GBA2: variants seen among roughly 807,000 people sequenced by gnomAD.
The protein encoded by GBA2 is non-lysosomal glucosylceramidase.
In GBA2, 79 loss-of-function variants were observed where a neutral mutation model predicts 112.9. That is an observed-to-expected ratio of 0.70 (90% CI 0.58 to 0.84). The LOEUF (loss-of-function observed/expected upper bound fraction) is 0.84, where lower values mean the gene tolerates loss of function less well. Ranked by LOEUF, GBA2 falls within the 40% of genes least tolerant of loss-of-function variation. The pLI is 0.00. For synonymous variants in GBA2, 403 were observed against 434.3 expected, an observed-to-expected ratio of 0.93 and a Z score of 0.90; for missense variants, 1,043 against 1,190.0, an observed-to-expected ratio of 0.88 and a Z score of 1.82.
At chr9:35,738,405 C>T (rs1158350035) in intron 13 of GBA2, 31 bp from the exon 14 acceptor site, 1 of 1,609,908 alleles carries the variant, frequency 6.2e-7, no homozygotes, top group East Asian at 2.2e-5. Context: ...GGGGGTCAGA[C>T]TGGCAGCTCC....
In GBA2 at chr9:35,737,156, CAGTTCAGA is replaced by C. The variant is rs1244965342; in HGVS notation, c.*5_*12del. The C allele has an allele frequency of 6.3e-7, 1 of 1,596,816 alleles. No individual in the cohort carries two copies. Among genetic ancestry groups the C allele is most frequent in the Admixed American group, 1.7e-5 (1 of 59,630 alleles). On this transcript the variant is annotated 3_prime_UTR_variant, in exon 17 of 17. Coordinates refer to ENST00000378103, the MANE Select transcript of GBA2 (RefSeq NM_020944.3). The surrounding 1 kb of genome is among the most constrained non-coding windows in gnomAD (Gnocchi z 4.1). ...CTGGGCTGTTAGCACTTCCCTCCCACAGTTCAGACGGCTCACTCTGGGCTCAGGTTTGC... is the reference window on the plus strand; with the variant it reads ...CTGGGCTGTTAGCACTTCCCTCCCACCGGCTCACTCTGGGCTCAGGTTTGC...
In GBA2 at chr9:35,739,646, G is replaced by A. The variant is rs769952538; in HGVS notation, c.1564C>T (p.Arg522Ter). 18 of 1,613,780 alleles carry A rather than the reference G, an allele frequency of 1.1e-5. No homozygotes were observed. The highest frequency in any genetic ancestry group is 1.4e-5 in the Non-Finnish European group (17 of 1,179,920). ...CCTGTACCCTCAAGGTAGCCAAATC[G>A]ACCGTAGTCCCGTAGGGTGGGGCGG... ...HLRPTLRDYG[R>*]FGYLEGQEYR... Residue 522 changes from arginine to a stop codon, truncating the protein, a stop_gained, in exon 9 of 17, where the codon CGA (arginine) becomes TGA (stop). Transcript: ENST00000378103. LOFTEE classifies it high-confidence loss of function.
intron 1 of GBA2, among the ~76,000 whole-genome samples, chr9:35,747,656 T>TG (rs1827041986): frequency 6.6e-6 from 1 of 152,236 alleles, no homozygotes; most frequent in African/African-American, 2.4e-5. Context: ...CACATCCACC[T>TG]GTTCCTGTTA....
At position 35,737,730 on chromosome 9, in the gene GBA2, G is replaced by A; in HGVS notation, c.2505+18C>T. 6.2e-7 allele frequency: 1 copy of A among 1,613,000 alleles called. No individual in the cohort carries two copies. The highest frequency in any genetic ancestry group is 8.5e-7 in the Non-Finnish European group (1 of 1,178,978). On this transcript the variant is annotated intron_variant, in intron 16 of 16. Coordinates refer to ENST00000378103, the MANE Select transcript of GBA2 (RefSeq NM_020944.3). This position sits in a 1 kb window ranked among gnomAD's most constrained non-coding sequence, Gnocchi z 4.1. ...CCAGGATACAGATGGTGGAGAGATG[G>A]GAAAAGGAGTGCATTACCTCTTGGA...
chr9:35,739,872 G>A, intron 8 of GBA2, 72 bp from the exon 9 acceptor site: 1 of 1,559,840 alleles, frequency 6.4e-7, no homozygotes, highest in Non-Finnish European at 8.8e-7. Flanking sequence ...TGGGGGTTCA[G>A]CAGAGTGGGA....
chr9:35,738,050 TCTC>T lies in GBA2; in HGVS notation c.2297_2299del (p.Gly766del). The T allele has an allele frequency of 5.0e-6, 8 of 1,609,414 alleles. No individual in the cohort carries two copies. Among genetic ancestry groups the T allele is most frequent in the African/African-American group, 1.3e-5 (1 of 74,812 alleles). On this transcript the variant is annotated inframe_deletion, in exon 15 of 17. Coordinates refer to ENST00000378103, the MANE Select transcript of GBA2 (RefSeq NM_020944.3). ...CTCCTCTCTCACCTCAGTGTCTCCTTCTCCTAGGCCACAGGCCTTCAGGAACCA... is the reference window on the plus strand; with the variant it reads ...CTCCTCTCTCACCTCAGTGTCTCCTTCTAGGCCACAGGCCTTCAGGAACCA...
rs1370121545 is a variant in GBA2 at position 35,741,080 on chromosome 9, T to C, written c.787-16A>G. ...GGCTGCTGTCCTGGGGGCAGAAGAT[T>C]AGACTCAGACGGTCCCAGTAGAGCG... On this transcript the variant is annotated splice_polypyrimidine_tract_variant and intron_variant, in intron 4 of 16. Coordinates refer to ENST00000378103, the MANE Select transcript of GBA2 (RefSeq NM_020944.3). This position sits in a 1 kb window ranked among gnomAD's most constrained non-coding sequence, Gnocchi z 4.6. 1 of 1,613,778 alleles carries C rather than the reference T, an allele frequency of 6.2e-7. No individual in the cohort carries two copies. The highest frequency in any genetic ancestry group is 1.3e-5 in the African/African-American group (1 of 75,032).
In GBA2 at chr9:35,739,331, G is replaced by A; in HGVS notation, c.1671C>T (p.Ser557=). 1 of 1,610,142 alleles carries A rather than the reference G, an allele frequency of 6.2e-7. No homozygotes were observed. The highest frequency in any genetic ancestry group is 1.1e-5 in the South Asian group (1 of 91,018). The change falls in exon 10 of 17, where the codon AGC becomes AGT. Residue 557 remains serine (S), a synonymous_variant. Transcript: ENST00000378103. ...LIMLWPKLEL[S]LQYDMALATL... is the part of the protein sequence containing the mutation. ...GATCCTCACCCATGTCATACTGTAG[G>A]CTGAGCTCAAGTTTGGGCCAGAGCA... is the stretch of plus-strand genomic sequence containing the variant.
At chr9:35,744,555 C>A (rs1826877194) in intron 2 of GBA2, 60 bp downstream of exon 2, 1 of 1,144,128 alleles carries the variant, frequency 8.7e-7, no homozygotes, top group Non-Finnish European at 1.3e-6. Context: ...CTCTTCCTAA[C>A]TGTGGTAGAC....
At chr9:35,745,051 C>T (rs569351590) in intron 1 of GBA2, among the ~76,000 whole-genome samples, 7 of 152,270 alleles carry the variant, frequency 4.6e-5, no homozygotes, top group East Asian at 1.9e-4. Flanking sequence ...CTACAGCCTC[C>T]GCCCCCAATC....
chr9:35,740,296 C>A lies in GBA2; in HGVS notation c.1196G>T (p.Arg399Leu). ...CTCCAGGCGGCACTGGCCTCGAGGT[C>A]GCAACTTGCTGGAAACACACACAGC... ...AGAVCVSSKLRPRGQCRLEFS... is the reference protein window; with the variant it reads ...AGAVCVSSKLLPRGQCRLEFS... The change falls in exon 7 of 17, where the codon CGA (arginine) becomes CTA (leucine). Residue 399 changes from arginine (R) to leucine (L), a missense_variant. Transcript: ENST00000378103. The surrounding 1 kb of genome is among the most constrained non-coding windows in gnomAD (Gnocchi z 4.7). 1 of 1,614,064 alleles carries A rather than the reference C, an allele frequency of 6.2e-7. No individual in the cohort carries two copies. The highest frequency in any genetic ancestry group is 1.3e-5 in the African/African-American group (1 of 75,016).
intron 1 of GBA2, among the ~76,000 whole-genome samples, chr9:35,745,723 A>AT (rs1335215053): frequency 6.6e-6 from 1 of 152,178 alleles, no homozygotes; most frequent in Admixed American, 6.5e-5. Context: ...AGGCTCTGAC[A>AT]TCTGTCCCAG....
rs73438754 is a variant in GBA2 at position 35,738,995 on chromosome 9, C to T, written c.1795+7G>A. 7.9e-3 allele frequency: 12,774 copies of T among 1,610,666 alleles called. 431 individuals carry two copies. In the African/African-American group the frequency reaches 0.11, roughly 13 times the overall value. On this transcript the variant is annotated splice_region_variant and intron_variant, in intron 11 of 16. Coordinates refer to ENST00000378103, the MANE Select transcript of GBA2 (RefSeq NM_020944.3). ...GGAGGGAAGCTGACCTTGGGGTGGA[C>T]TTTTACCTGGGTCCCCAATATCATG...
Position 35,738,586 on chromosome 9 carries a change from A to G in GBA2, c.1994T>C (p.Leu665Pro). The change falls in exon 13 of 17, where the codon CTC becomes CCC. Residue 665 changes from leucine to proline, a missense_variant. By Grantham distance (98) the Leu-to-Pro change is moderately conservative. Coordinates refer to ENST00000378103, the MANE Select transcript of GBA2 (RefSeq NM_020944.3). ...EMKFDKDHDG[L>P]IENGGYADQT... ...GTCTGCATAGCCTCCATTTTCAATG[A>G]GTCCATCATGGTCCTTGTCAAACTT... 6.2e-7 allele frequency: 1 copy of G among 1,614,062 alleles called. No homozygotes were observed. Among genetic ancestry groups the G allele is most frequent in the Non-Finnish European group, 8.5e-7 (1 of 1,179,886 alleles).
Position 35,741,376 on chromosome 9 carries a change from G to A in GBA2, c.786+296C>T. The A allele has an allele frequency of 2.0e-6, 1 of 508,158 alleles. No homozygotes were observed. Among genetic ancestry groups the A allele is most frequent in the Non-Finnish European group, 3.5e-6 (1 of 284,344 alleles). 31.5% of individuals were successfully genotyped at this position (508,158 alleles called of 1,614,324 possible). A position where few individuals can be genotyped will look rare whatever the true frequency, so the allele number is the denominator to read the frequency against. On this transcript the variant is annotated intron_variant, in intron 4 of 16. Transcript: ENST00000378103. This position sits in a 1 kb window ranked among gnomAD's most constrained non-coding sequence, Gnocchi z 4.6. ...GTGGCGCAATCTCGGCTCACTGCAA[G>A]CTCCGCCTCCCGGGTTCACACCATT...
chr9:35,739,931 G>T, intron 8 of GBA2, 67 bp downstream of exon 8: 1 of 1,588,670 alleles, frequency 6.3e-7, no homozygotes, highest in Non-Finnish European at 8.6e-7. Flanking sequence ...TGGGTGGAGA[G>T]TAAATCGAGG....
Position 35,737,705 on chromosome 9 carries a change from C to T in GBA2, c.2505+43G>A, listed in dbSNP as rs1368502254. ...TTGGTGGTTGAGGAAGTTTTCTGGG[C>T]CAGGATACAGATGGTGGAGAGATGG... On this transcript the variant is annotated intron_variant, in intron 16 of 16. Coordinates refer to ENST00000378103, the MANE Select transcript of GBA2 (RefSeq NM_020944.3). This position sits in a 1 kb window ranked among gnomAD's most constrained non-coding sequence, Gnocchi z 4.1. 6.2e-7 allele frequency: 1 copy of T among 1,610,420 alleles called. No individual in the cohort carries two copies. The highest frequency in any genetic ancestry group is 8.5e-7 in the Non-Finnish European group (1 of 1,176,688).
rs1827138253 is a variant in GBA2 at position 35,748,741 on chromosome 9, T to C, written c.-37A>G. The stretch of plus-strand genomic sequence containing the variant: ...CGCCAAGTCCCGAGCCCTCGGATAC[T>C]AAGTATCTCGCCAGCCTATTCCAGA... On this transcript the variant is annotated 5_prime_UTR_variant, in exon 1 of 17. Transcript: ENST00000378103. 3 of 1,288,656 alleles carry C rather than the reference T, an allele frequency of 2.3e-6. No individual in the cohort carries two copies. Among genetic ancestry groups the C allele is most frequent in the Non-Finnish European group, 3.2e-6 (3 of 927,782 alleles). The allele number at this position is 1,288,656 out of a possible 1,614,324, so 79.8% of individuals were successfully genotyped here.
chr9:35,739,511 ATTG>A (rs1220038554), intron 9 of GBA2, 92 bp from the exon 10 acceptor site: 1 of 1,277,306 alleles, frequency 7.8e-7, no homozygotes, highest in Non-Finnish European at 1.1e-6. Flanking sequence ...GAGGTGGGGC[ATTG>A]TTACTAGTCC....
Sources: allele counts gnomAD v4.1 joint callset (sites outside exome capture counted in the v4.1 genomes callset), GRCh38; gene constraint gnomAD v4.1.1; non-coding constraint Gnocchi (gnomAD v3.1); transcripts MANE v1.5; gene names NCBI Gene and HGNC (gene_info 2026-07-23, HGNC 2026-07-21).